Variants in WFIKKN1 observed in about 807,000 individuals in gnomAD.
WFIKKN1 encodes WAP, Kazal, immunoglobulin, Kunitz and NTR domain-containing protein 1.
Under a neutral mutation model 4.6 loss-of-function variants are expected in WFIKKN1, and 6 were observed. That is an observed-to-expected ratio of 1.31 (90% CI 0.72 to 2.59). WFIKKN1 has a LOEUF of 2.59. Ranked by LOEUF, WFIKKN1 falls within the 30% of genes most tolerant of loss-of-function variation. WFIKKN1 has a pLI of 0.00. For synonymous variants in WFIKKN1, 468 were observed against 367.4 expected, an observed-to-expected ratio of 1.27 and a Z score of -3.13; for missense variants, 964 against 818.0, an observed-to-expected ratio of 1.18 and a Z score of -2.18.
At position 633,076 on chromosome 16, in the gene WFIKKN1, G is replaced by T. The variant is rs930684092; in HGVS notation, c.666G>T (p.Gln222His). 6.2e-7 allele frequency: 1 copy of T among 1,612,094 alleles called. No individual in the cohort carries two copies. Among genetic ancestry groups the T allele is most frequent in the Non-Finnish European group, 8.5e-7 (1 of 1,179,596 alleles). The change falls in exon 2 of 2, where the codon CAG becomes CAT. Residue 222 changes from glutamine (Q) to histidine (H), a missense_variant. Physicochemically the swap from Gln to His is conservative, Grantham distance 24. Transcript: ENST00000319070. Reference sequence around the variant, plus strand: ...CGCCTGCTGTGACCTGGGAGAAGCAGAGTCACCAGCGAGAGAACCTGATCA... The same window carrying T: ...CGCCTGCTGTGACCTGGGAGAAGCATAGTCACCAGCGAGAGAACCTGATCA... ...RPPPAVTWEK[Q>H]SHQRENLIMR...
At position 634,083 on chromosome 16, in the gene WFIKKN1, G is replaced by A. The variant is rs140710395; in HGVS notation, c.*26G>A. On this transcript the variant is annotated 3_prime_UTR_variant, in exon 2 of 2. Coordinates refer to ENST00000319070, the MANE Select transcript of WFIKKN1 (RefSeq NM_053284.3). ...CCCCCGCAGGGGCCTGCGCCACCCCGTCCTGGTGAATAAACGCACTCCCTG... is the reference window on the plus strand; with the variant it reads ...CCCCCGCAGGGGCCTGCGCCACCCCATCCTGGTGAATAAACGCACTCCCTG... 3.4e-3 allele frequency: 5,162 copies of A among 1,516,710 alleles called. 14 individuals carry two copies. The highest frequency in any genetic ancestry group is 4.1e-3 in the Non-Finnish European group (4,718 of 1,140,668). The allele number at this position is 1,516,710 out of a possible 1,614,324, so 94.0% of individuals were successfully genotyped here.
intron 1 of WFIKKN1, 143 bp from the exon 2 acceptor site, chr16:632,439 G>C: frequency 6.4e-6 from 7 of 1,095,738 alleles, no homozygotes; most frequent in Non-Finnish European, 8.6e-6. Context: ...ACACAGGATG[G>C]AAAGGACACT....
chr16:632,544 G>C, intron 1 of WFIKKN1, 38 bp from the exon 2 acceptor site: 1 of 1,464,844 alleles, frequency 6.8e-7, no homozygotes, highest in Non-Finnish European at 9.0e-7. Flanking sequence ...CGGGGCGGGG[G>C]GCATTGGGGC....
Position 633,325 on chromosome 16 carries a change from C to A in WFIKKN1, c.915C>A (p.Ala305=). 1 of 1,587,256 alleles carries A rather than the reference C, an allele frequency of 6.3e-7. No homozygotes were observed. The highest frequency in any genetic ancestry group is 1.7e-5 in the Admixed American group (1 of 58,154). Reference sequence around the variant, plus strand: ...CCGAGTGCCTGCCGGATGTGCAGGCCTGCACGGGCCCCACTTCCCCACACC... The same window carrying A: ...CCGAGTGCCTGCCGGATGTGCAGGCATGCACGGGCCCCACTTCCCCACACC... The part of the protein sequence containing the change: ...APAECLPDVQ[A]CTGPTSPHLV... Residue 305 remains alanine (A), a synonymous_variant, in exon 2 of 2, where the codon GCC becomes GCA. Transcript: ENST00000319070.
rs1438866620 is a variant in WFIKKN1, at chr16:632,999, G to A, written c.589G>A (p.Val197Met). 19 of 1,601,872 alleles carry A rather than the reference G, an allele frequency of 1.2e-5. No individual in the cohort carries two copies. The highest frequency in any genetic ancestry group is 2.2e-5 in the East Asian group (1 of 44,698). Residue 197 changes from valine (V) to methionine (M), a missense_variant, in exon 2 of 2, where the codon GTG becomes ATG. Coordinates refer to ENST00000319070, the MANE Select transcript of WFIKKN1 (RefSeq NM_053284.3). ...ALYSSPSPQAVQVGGTASLHC... is the reference protein window; with the variant it reads ...ALYSSPSPQAMQVGGTASLHC... ...GTACAGCAGCCCCTCCCCACAGGCG[G>A]TGCAGGTTGGGGGTACGGCCAGCCT... is the stretch of plus-strand genomic sequence containing the variant.
rs1294666564 is a variant in WFIKKN1, at chr16:631,296, CG to C, written c.45del (p.Leu16Ter). ...RPLLPLLLLL[R>X]LTSGAGLLPG... ...ACTCCTGCCGCTCCTGCTCCTCCTC[CG>C]GCTGACCTCGGGGGCTGGCTTGCTG... On this transcript the variant is annotated frameshift_variant, in exon 1 of 2. Transcript: ENST00000319070. LOFTEE classifies it high-confidence loss of function. 6.3e-7 allele frequency: 1 copy of C among 1,596,394 alleles called. No individual in the cohort carries two copies. Among genetic ancestry groups the C allele is most frequent in the East Asian group, 2.2e-5 (1 of 44,596 alleles).
At position 633,728 on chromosome 16, in the gene WFIKKN1, C is replaced by A. The variant is rs747716027; in HGVS notation, c.1318C>A (p.Arg440=). 5 of 1,587,732 alleles carry A rather than the reference C, an allele frequency of 3.1e-6. No homozygotes were observed. Among genetic ancestry groups the A allele is most frequent in the Non-Finnish European group, 4.3e-6 (5 of 1,167,426 alleles). The change falls in exon 2 of 2, where the codon CGG becomes AGG. Residue 440 remains arginine (R), a synonymous_variant. Transcript: ENST00000319070. The part of the protein sequence containing the change: ...LCRSDFAIVG[R]LTEVLEEPEA... ...CCGCAGCGACTTCGCCATCGTGGGG[C>A]GGCTCACGGAGGTGCTGGAGGAGCC...
At position 633,748 on chromosome 16, in the gene WFIKKN1, G is replaced by A; in HGVS notation, c.1338G>A (p.Glu446=). 6.3e-7 allele frequency: 1 copy of A among 1,591,866 alleles called. No homozygotes were observed. Among genetic ancestry groups the A allele is most frequent in the East Asian group, 2.3e-5 (1 of 43,594 alleles). Reference sequence around the variant, plus strand: ...TGGGGCGGCTCACGGAGGTGCTGGAGGAGCCCGAGGCCGCCGGCGGCATCG... The same window carrying A: ...TGGGGCGGCTCACGGAGGTGCTGGAAGAGCCCGAGGCCGCCGGCGGCATCG... The part of the protein sequence containing the change: ...AIVGRLTEVL[E]EPEAAGGIAR... Residue 446 remains glutamate (E), a synonymous_variant, in exon 2 of 2, where the codon GAG becomes GAA. Coordinates refer to ENST00000319070, the MANE Select transcript of WFIKKN1 (RefSeq NM_053284.3).
chr16:631,279 C>G lies in WFIKKN1; in HGVS notation c.26C>G (p.Pro9Arg), dbSNP rs141017859. 5.0e-6 allele frequency: 8 copies of G among 1,585,254 alleles called. No individual in the cohort carries two copies. Among genetic ancestry groups the G allele is most frequent in the Middle Eastern group, 1.8e-4 (1 of 5,588 alleles). MPALRPLLPLLLLLRLTSG... is the reference protein window; with the variant it reads MPALRPLLRLLLLLRLTSG... Reference sequence around the variant, plus strand: ...ATGCCCGCCCTACGTCCACTCCTGCCGCTCCTGCTCCTCCTCCGGCTGACC... The same window carrying G: ...ATGCCCGCCCTACGTCCACTCCTGCGGCTCCTGCTCCTCCTCCGGCTGACC... Residue 9 changes from proline to arginine, a missense_variant, in exon 1 of 2, where the codon CCG (proline) becomes CGG (arginine). Transcript: ENST00000319070.
At position 632,961 on chromosome 16, in the gene WFIKKN1, T is replaced by A; in HGVS notation, c.551T>A (p.Val184Glu). ...CGCCCCACACCTGGGGCCGCGCCCG[T>A]GCCTCCTGCCCTGTACAGCAGCCCC... is the stretch of plus-strand genomic sequence containing the variant. ...TARPTPGAAP[V>E]PPALYSSPSP... Residue 184 changes from valine to glutamate, a missense_variant, in exon 2 of 2, where the codon GTG becomes GAG. Physicochemically the swap from Val to Glu is moderately radical, Grantham distance 121. Transcript: ENST00000319070. 1 of 1,567,714 alleles carries A rather than the reference T, an allele frequency of 6.4e-7. No individual in the cohort carries two copies. Among genetic ancestry groups the A allele is most frequent in the Non-Finnish European group, 8.7e-7 (1 of 1,155,660 alleles).
chr16:631,651 C>T (rs1387116226), intron 1 of WFIKKN1: 2 of 416,592 alleles, frequency 4.8e-6, no homozygotes, highest in Non-Finnish European at 8.3e-6. Context: ...CCTGGGGCAC[C>T]ATCATCCTCG....
In WFIKKN1 at chr16:632,565, G is replaced by A; in HGVS notation, c.172-17G>A. 6 of 1,495,170 alleles carry A rather than the reference G, an allele frequency of 4.0e-6. No homozygotes were observed. Among genetic ancestry groups the A allele is most frequent in the Non-Finnish European group, 5.4e-6 (6 of 1,121,492 alleles). The allele number at this position is 1,495,170 out of a possible 1,614,324, so 92.6% of individuals were successfully genotyped here. A position where few individuals can be genotyped will look rare whatever the true frequency, so the allele number is the denominator to read the frequency against. On this transcript the variant is annotated splice_polypyrimidine_tract_variant and intron_variant, in intron 1 of 1. Coordinates refer to ENST00000319070, the MANE Select transcript of WFIKKN1 (RefSeq NM_053284.3). The stretch of plus-strand genomic sequence containing the variant: ...GGGGGGCATTGGGGCTCCCACCTAA[G>A]TGTCCCCCATCCCCAGGACTGTGCG...
In WFIKKN1 at chr16:633,774, C is replaced by T. The variant is rs754225608; in HGVS notation, c.1364C>T (p.Ala455Val). The change falls in exon 2 of 2, where the codon GCC (alanine) becomes GTC (valine). Residue 455 changes from alanine (A) to valine (V), a missense_variant. Coordinates refer to ENST00000319070, the MANE Select transcript of WFIKKN1 (RefSeq NM_053284.3). ...GAGCCCGAGGCCGCCGGCGGCATCG[C>T]CCGCGTGGCGCTCGAGGACGTGCTC... ...LEEPEAAGGI[A>V]RVALEDVLKD... 2 of 1,598,304 alleles carry T rather than the reference C, an allele frequency of 1.3e-6. No individual in the cohort carries two copies. The highest frequency in any genetic ancestry group is 1.7e-6 in the Non-Finnish European group (2 of 1,173,346).
rs751793337 is a variant in WFIKKN1, at chr16:631,285, T to C, written c.32T>C (p.Leu11Pro). The change falls in exon 1 of 2, where the codon CTG (leucine) becomes CCG (proline). Residue 11 changes from leucine (L) to proline (P), a missense_variant. Physicochemically the swap from Leu to Pro is moderately conservative, Grantham distance 98. Transcript: ENST00000319070. ...GCCCTACGTCCACTCCTGCCGCTCC[T>C]GCTCCTCCTCCGGCTGACCTCGGGG... is the stretch of plus-strand genomic sequence containing the variant. Reference protein sequence around the residue: MPALRPLLPLLLLLRLTSGAG... With the variant: MPALRPLLPLPLLLRLTSGAG... 6.3e-7 allele frequency: 1 copy of C among 1,591,426 alleles called. No homozygotes were observed. The highest frequency in any genetic ancestry group is 1.7e-5 in the Admixed American group (1 of 59,076).
In WFIKKN1 at chr16:632,894, A is replaced by AG; in HGVS notation, c.485dup (p.Ser162ArgfsTer73). The AG allele has an allele frequency of 6.4e-7, 1 of 1,569,468 alleles. No homozygotes were observed. The highest frequency in any genetic ancestry group is 8.6e-7 in the Non-Finnish European group (1 of 1,157,994). ...CATCGTGCCCTGCAAGCACGTGCTC[A>AG]GCTGGCCGCCCAGCAGCCCGGGGCC... On this transcript the variant is annotated frameshift_variant, in exon 2 of 2. Transcript: ENST00000319070. LOFTEE classifies it low-confidence loss of function (END_TRUNC).
chr16:632,531 C>T (rs939080294), intron 1 of WFIKKN1, 51 bp from the exon 2 acceptor site: 67 of 1,444,080 alleles, frequency 4.6e-5, no homozygotes, highest in Non-Finnish European at 6.1e-5. Flanking sequence ...CAGGCCAGAG[C>T]CCCGGGGCGG....
chr16:633,943 G>C lies in WFIKKN1; in HGVS notation c.1533G>C (p.Val511=), dbSNP rs754764067. Residue 511 remains valine, a synonymous_variant, in exon 2 of 2, where the codon GTG becomes GTC. Transcript: ENST00000319070. The part of the protein sequence containing the change: ...LVIMGEVRDG[V]AVLDAGSYVR... ...TCATGGGTGAGGTGCGCGATGGCGT[G>C]GCCGTGCTGGACGCCGGCAGCTACG... The C allele has an allele frequency of 2.4e-5, 38 of 1,595,774 alleles. No homozygotes were observed. The highest frequency in any genetic ancestry group is 3.2e-5 in the Non-Finnish European group (37 of 1,172,136).
At chr16:631,560 A>G (rs1338169042) in intron 1 of WFIKKN1, 136 bp downstream of exon 1, 1 of 1,086,872 alleles carries the variant, frequency 9.2e-7, no homozygotes, top group South Asian at 1.8e-5. Context: ...GGGCCCAGAG[A>G]CACCCCCATC....
Position 632,654 on chromosome 16 carries a change from G to C in WFIKKN1, c.244G>C (p.Gly82Arg), listed in dbSNP as rs149287908. The change falls in exon 2 of 2, where the codon GGC becomes CGC. Residue 82 changes from glycine to arginine, a missense_variant. Physicochemically the swap from Gly to Arg is moderately radical, Grantham distance 125. Coordinates refer to ENST00000319070, the MANE Select transcript of WFIKKN1 (RefSeq NM_053284.3). ...LHSCVAARFP[G>R]SPAAPTTAAS... Reference sequence around the variant, plus strand: ...CAGCTGCGTGGCAGCACGCTTCCCCGGCAGCCCAGCTGCGCCGACGACAGC... The same window carrying C: ...CAGCTGCGTGGCAGCACGCTTCCCCCGCAGCCCAGCTGCGCCGACGACAGC... The C allele has an allele frequency of 6.2e-7, 1 of 1,601,308 alleles. No homozygotes were observed. The highest frequency in any genetic ancestry group is 8.5e-7 in the Non-Finnish European group (1 of 1,173,792).
Sources: gnomAD v4.1 joint callset for allele counts on GRCh38, gnomAD v4.1.1 for gene constraint, MANE v1.5 for transcripts, NCBI Gene and HGNC (gene_info 2026-07-23, HGNC 2026-07-21) for gene names.